Variants in GPC5 observed in about 807,000 individuals in gnomAD.
GPC5 encodes glypican 5, also known as glypican-5.
GPC5 carries 47 observed loss-of-function variants against 53.9 expected under a neutral mutation model. The ratio of observed to expected loss-of-function variants is 0.87; its 90% confidence interval spans 0.69 to 1.11. The LOEUF (loss-of-function observed/expected upper bound fraction) is 1.11. Among genes scored for constraint, GPC5 ranks in the 50% most tolerant of loss-of-function variants. The pLI is 0.00. For missense variants in GPC5, 748 were observed against 713.1 expected (o/e 1.05, Z -0.56); for synonymous variants, 286 against 263.3 (o/e 1.09, Z -0.84).
intron 7 of GPC5, among the ~76,000 whole-genome samples, chr13:92,376,462 C>T (rs2043694413): frequency 6.6e-6 from 1 of 152,100 alleles, no homozygotes; most frequent in African/African-American, 2.4e-5. Flanking sequence ...TCCAAAGCAT[C>T]CCAAATTCAT....
chr13:91,560,697 C>T (rs976475762), intron 2 of GPC5, among the ~76,000 whole-genome samples: 1 of 152,046 alleles, frequency 6.6e-6, no homozygotes, highest in Admixed American at 6.6e-5. Flanking sequence ...GAAGAATTTT[C>T]CTAGACTAGC....
At chr13:91,433,870 C>G (rs1252984699) in intron 1 of GPC5, among the ~76,000 whole-genome samples, 2 of 151,784 alleles carry the variant, frequency 1.3e-5, no homozygotes, top group African/African-American at 4.8e-5. Flanking sequence ...CTGTTGTTTC[C>G]TGACTTTTTA....
intron 7 of GPC5, among the ~76,000 whole-genome samples, chr13:92,586,948 A>G (rs1251093075): frequency 1.3e-5 from 1 of 75,678 alleles, no homozygotes; most frequent in Non-Finnish European, 2.7e-5. Flanking sequence ...TCTCTTGCAT[A>G]CACACACACA....
chr13:92,077,602 A>G (rs1443052904), intron 6 of GPC5, among the ~76,000 whole-genome samples: 2 of 152,166 alleles, frequency 1.3e-5, no homozygotes, highest in East Asian at 3.9e-4. Flanking sequence ...CCAAGAGATA[A>G]GCCACCCATT....
intron 2 of GPC5, among the ~76,000 whole-genome samples, chr13:91,637,694 G>A (rs562313607): frequency 1.3e-5 from 2 of 152,216 alleles, no homozygotes; most frequent in Admixed American, 1.3e-4. Flanking sequence ...CTGCTAAGGC[G>A]AAGAGAGAAA....
At chr13:92,609,461 T>C (rs1238469225) in intron 7 of GPC5, among the ~76,000 whole-genome samples, 1 of 152,178 alleles carries the variant, frequency 6.6e-6, no homozygotes, top group Non-Finnish European at 1.5e-5. Flanking sequence ...AATGGCCAGA[T>C]AGTTTACTTC....
intron 7 of GPC5, among the ~76,000 whole-genome samples, chr13:92,409,107 C>T (rs1338496773): frequency 6.6e-6 from 1 of 151,580 alleles, no homozygotes; most frequent in South Asian, 2.1e-4. Flanking sequence ...ATCATATGTG[C>T]ATTTCAGATT....
At chr13:91,955,330 T>A (rs79112802) in intron 6 of GPC5, among the ~76,000 whole-genome samples, 5,713 of 152,302 alleles carry the variant, frequency 0.038, 371 homozygotes, top group African/African-American at 0.13. Flanking sequence ...TAATACTTAT[T>A]ATAAAGCGGT....
chr13:91,813,595 G>A (rs2038349095), intron 5 of GPC5, among the ~76,000 whole-genome samples: 1 of 152,208 alleles, frequency 6.6e-6, no homozygotes, highest in African/African-American at 2.4e-5. Context: ...GCATCCTCAT[G>A]CATGGTTTTC....
At chr13:92,787,918 G>C (rs1447280496) in intron 7 of GPC5, among the ~76,000 whole-genome samples, 1 of 150,104 alleles carries the variant, frequency 6.7e-6, no homozygotes, top group Non-Finnish European at 1.5e-5. Context: ...TGAAGAGGAA[G>C]GAGATTTTTA....
At chr13:91,881,814 T>G (rs192462019) in intron 5 of GPC5, among the ~76,000 whole-genome samples, 34 of 152,282 alleles carry the variant, frequency 2.2e-4, no homozygotes, top group Admixed American at 5.9e-4. Context: ...TGTTGATACC[T>G]CACATGAAAA....
chr13:91,435,878 C>T (rs1429698376), intron 1 of GPC5, among the ~76,000 whole-genome samples: 1 of 152,112 alleles, frequency 6.6e-6, no homozygotes, highest in Non-Finnish European at 1.5e-5. Context: ...TGTTATTGGT[C>T]TATTCAGAGA....
At chr13:91,746,878 A>G (rs2037061478) in intron 4 of GPC5, among the ~76,000 whole-genome samples, 1 of 152,228 alleles carries the variant, frequency 6.6e-6, no homozygotes, top group African/African-American at 2.4e-5. Flanking sequence ...TGTGAGAAAG[A>G]TCCCATTTCA....
intron 6 of GPC5, among the ~76,000 whole-genome samples, chr13:92,053,920 T>C (rs1419707315): frequency 6.6e-6 from 1 of 151,604 alleles, no homozygotes; most frequent in Non-Finnish European, 1.5e-5. Context: ...TAATCCCAGC[T>C]CCTCGGGAGG....
chr13:92,370,530 GA>G (rs200732490), intron 7 of GPC5, among the ~76,000 whole-genome samples: 15 of 95,528 alleles, frequency 1.6e-4, no homozygotes, highest in Admixed American at 1.1e-3. Context: ...CAAAGAAACA[GA>G]AAAAAAAAAC....
chr13:91,662,563 T>C (rs2035011328), intron 2 of GPC5, among the ~76,000 whole-genome samples: 2 of 152,226 alleles, frequency 1.3e-5, no homozygotes, highest in South Asian at 4.1e-4. Context: ...ATGATCTAAG[T>C]AATAAATCTC....
At chr13:92,454,857 C>G (rs932368058) in intron 7 of GPC5, among the ~76,000 whole-genome samples, 1 of 152,040 alleles carries the variant, frequency 6.6e-6, no homozygotes, top group African/African-American at 2.4e-5. Flanking sequence ...AGGAAATATT[C>G]CATTCTGCTT....
intron 6 of GPC5, among the ~76,000 whole-genome samples, chr13:91,952,808 C>A (rs1016222499): frequency 1.3e-5 from 2 of 152,014 alleles, no homozygotes; most frequent in East Asian, 3.9e-4. Context: ...GAGAGGTTGG[C>A]TAAACTGAAA....
At chr13:91,826,216 A>T (rs936859950) in intron 5 of GPC5, among the ~76,000 whole-genome samples, 11 of 151,914 alleles carry the variant, frequency 7.2e-5, no homozygotes, top group African/African-American at 2.7e-4. Context: ...TGCATTTAGC[A>T]GATAAAGACT....
Sources: allele counts gnomAD v4.1 joint callset (sites outside exome capture counted in the v4.1 genomes callset), GRCh38; gene constraint gnomAD v4.1.1; transcripts MANE v1.5; gene names NCBI Gene and HGNC (gene_info 2026-07-23, HGNC 2026-07-21).